CGNL1: variants seen among roughly 807,000 people sequenced by gnomAD.
CGNL1 encodes the protein cingulin like 1.
In CGNL1, 132 loss-of-function variants were observed where a neutral mutation model predicts 141.2. The observed-to-expected ratio is 0.93, with a 90% CI of 0.81 to 1.08. CGNL1 has a LOEUF of 1.08. Ranked by LOEUF, CGNL1 falls within the 50% of genes least tolerant of loss-of-function variation. CGNL1 has a pLI of 0.00. For missense variants in CGNL1, 1,870 were observed against 1,588.6 expected (o/e 1.18, Z -3.01); for synonymous variants, 690 against 622.1 (o/e 1.11, Z -1.63).
chr15:57,387,456 C>T (rs2062496233), intron 1 of CGNL1, among the ~76,000 whole-genome samples: 1 of 152,120 alleles, frequency 6.6e-6, no homozygotes, highest in Admixed American at 6.5e-5. Flanking sequence ...TCTAATGACC[C>T]TTGAAATGAA....
At chr15:57,498,984 G>A (rs187692702) in intron 8 of CGNL1, among the ~76,000 whole-genome samples, 3 of 152,228 alleles carry the variant, frequency 2.0e-5, no homozygotes, top group African/African-American at 7.2e-5. Flanking sequence ...CCTTAAGAGC[G>A]CAAGAAGGCC....
chr15:57,473,167 A>C (rs1039248759), intron 8 of CGNL1, among the ~76,000 whole-genome samples: 3 of 152,196 alleles, frequency 2.0e-5, no homozygotes, highest in African/African-American at 7.2e-5. Context: ...CAGCCACCAT[A>C]ATATTGCAAA....
Position 57,456,806 on chromosome 15 carries a change from G to A in CGNL1, c.2190+2988G>A, listed in dbSNP as rs182788828. Among the ~76,000 whole-genome samples, 455 of 152,244 alleles carry A rather than the reference G, an allele frequency of 3.0e-3. 4 individuals are homozygous for A. The highest frequency in any genetic ancestry group is 0.011 in the African/African-American group (443 of 41,542). On this transcript the variant is annotated intron_variant, in intron 7 of 18. Coordinates refer to ENST00000281282, the MANE Select transcript of CGNL1 (RefSeq NM_032866.5). ...AATGTCTGCTTTGATGGGAGCCTGCGGTGCTGAGAGATGGGCCTCACTCCA... is the reference window on the plus strand; with the variant it reads ...AATGTCTGCTTTGATGGGAGCCTGCAGTGCTGAGAGATGGGCCTCACTCCA...
chr15:57,465,232 A>G (rs1301282501), intron 8 of CGNL1, among the ~76,000 whole-genome samples: 1 of 152,144 alleles, frequency 6.6e-6, no homozygotes, highest in African/African-American at 2.4e-5. Context: ...ATAGAATAGA[A>G]CATTAAGATT....
In CGNL1 at chr15:57,452,401, C is replaced by A. The variant is rs1400784851; in HGVS notation, c.2054+112C>A. The A allele has an allele frequency of 8.2e-6, 8 of 971,490 alleles. No individual in the cohort carries two copies. In the African/African-American group the frequency reaches 1.3e-4, roughly 16 times the overall value. The allele number at this position is 971,490 out of a possible 1,614,324, so 60.2% of individuals were successfully genotyped here. On this transcript the variant is annotated intron_variant, in intron 6 of 18. Coordinates refer to ENST00000281282, the MANE Select transcript of CGNL1 (RefSeq NM_032866.5). Reference sequence around the variant, plus strand: ...GCCTTCCAAATATTTATAAAGGCAGCTGGCTTTTCCTTTTCTTCCTCTTAT... The same window carrying A: ...GCCTTCCAAATATTTATAAAGGCAGATGGCTTTTCCTTTTCTTCCTCTTAT...
chr15:57,389,186 G>T (rs988754555), intron 1 of CGNL1, among the ~76,000 whole-genome samples: 1 of 152,056 alleles, frequency 6.6e-6, no homozygotes, highest in Non-Finnish European at 1.5e-5. Flanking sequence ...TGTGCCTGGG[G>T]CATCAGAGTG....
At chr15:57,505,600 G>A (rs2064090900) in intron 8 of CGNL1, among the ~76,000 whole-genome samples, 1 of 152,146 alleles carries the variant, frequency 6.6e-6, no homozygotes, top group African/African-American at 2.4e-5. Flanking sequence ...CTCTTGTCAG[G>A]TGTCTTAACC....
chr15:57,388,729 T>A (rs7172742), intron 1 of CGNL1, among the ~76,000 whole-genome samples: 15,649 of 152,216 alleles, frequency 0.1, 1,658 homozygotes, highest in African/African-American at 0.27. Flanking sequence ...ATGGAGAAAT[T>A]ATGCTTGGCA....
chr15:57,505,989 C>T (rs1245609277), intron 8 of CGNL1, among the ~76,000 whole-genome samples: 3 of 152,208 alleles, frequency 2.0e-5, no homozygotes, highest in African/African-American at 4.8e-5. Context: ...GGGTGCAGGG[C>T]AGAACTGTGG....
At chr15:57,543,806 C>G (rs116199579) in intron 15 of CGNL1, 27 bp downstream of exon 15, 142 of 1,570,974 alleles carry the variant, frequency 9.0e-5, no homozygotes, top group Admixed American at 8.9e-4. Flanking sequence ...TGTGAGCTGC[C>G]CCCCCGTCCA....
At chr15:57,442,708 T>C (rs1458953004) in intron 4 of CGNL1, among the ~76,000 whole-genome samples, 3 of 152,146 alleles carry the variant, frequency 2.0e-5, no homozygotes, top group Admixed American at 1.3e-4. Context: ...AACCTCTGCC[T>C]CCTGAGCTCA....
intron 1 of CGNL1, among the ~76,000 whole-genome samples, chr15:57,428,769 A>G (rs1468454587): frequency 6.6e-6 from 1 of 152,216 alleles, no homozygotes; most frequent in Admixed American, 6.5e-5. Context: ...TCATGCCTGT[A>G]TTCCCAGCAC....
intron 1 of CGNL1, among the ~76,000 whole-genome samples, chr15:57,382,575 T>C (rs1450276336): frequency 6.6e-6 from 1 of 152,242 alleles, no homozygotes; most frequent in East Asian, 1.9e-4. Context: ...CTTTTCCTGT[T>C]ACTTATCTCT....
intron 1 of CGNL1, among the ~76,000 whole-genome samples, chr15:57,387,603 G>C (rs545782827): frequency 6.6e-6 from 1 of 152,212 alleles, no homozygotes; most frequent in South Asian, 2.1e-4. Context: ...ATGACTCTGC[G>C]TGACAGGTTT....
intron 1 of CGNL1, chr15:57,401,945 A>G (rs1408241794): frequency 6.6e-6 from 1 of 152,162 alleles, no homozygotes; most frequent in Non-Finnish European, 1.5e-5. Flanking sequence ...ACTTCTATGG[A>G]CAATGTACCC....
intron 1 of CGNL1, among the ~76,000 whole-genome samples, chr15:57,410,370 T>C (rs1453780467): frequency 6.6e-6 from 1 of 152,206 alleles, no homozygotes; most frequent in Non-Finnish European, 1.5e-5. Context: ...TTAGTTGATA[T>C]GGAGGATGGT....
chr15:57,501,523 T>C (rs2064024459), intron 8 of CGNL1, among the ~76,000 whole-genome samples: 1 of 152,168 alleles, frequency 6.6e-6, no homozygotes, highest in Non-Finnish European at 1.5e-5. Context: ...TATTGTCCAG[T>C]TCCCCAGGCA....
At chr15:57,383,752 C>T (rs2062452936) in intron 1 of CGNL1, among the ~76,000 whole-genome samples, 1 of 151,952 alleles carries the variant, frequency 6.6e-6, no homozygotes, top group South Asian at 2.1e-4. Context: ...CCTCAGCCTC[C>T]CGAGGAGCTG....
chr15:57,522,945 C>T (rs959878817), intron 10 of CGNL1, among the ~76,000 whole-genome samples: 1 of 152,124 alleles, frequency 6.6e-6, no homozygotes, highest in Non-Finnish European at 1.5e-5. Context: ...TGTCTGAGTC[C>T]AATTCATGGA....
Sources: gnomAD v4.1 joint callset for allele counts (sites outside exome capture counted in the v4.1 genomes callset) on GRCh38, gnomAD v4.1.1 for gene constraint, MANE v1.5 for transcripts, NCBI Gene and HGNC (gene_info 2026-07-23, HGNC 2026-07-21) for gene names.